The following AFAP1 variants were observed in gnomAD, a reference collection of about 807,000 sequenced individuals.
AFAP1 encodes actin filament associated protein 1.
AFAP1 carries 75 observed loss-of-function variants against 93.9 expected under a neutral mutation model. The observed-to-expected ratio is 0.80, with a 90% CI of 0.66 to 0.97. The LOEUF (loss-of-function observed/expected upper bound fraction) is 0.97, where lower values mean the gene tolerates loss of function less well. Ranked by LOEUF, AFAP1 falls within the 50% of genes least tolerant of loss-of-function variation. AFAP1 has a pLI of 0.00. For missense variants in AFAP1, 1,201 were observed against 1,050.8 expected (o/e 1.14, Z -1.98); for synonymous variants, 517 against 430.7 (o/e 1.20, Z -2.48).
In AFAP1 at chr4:7,939,264, C is replaced by CG; in HGVS notation, c.-3+391dup. 3.3e-6 allele frequency: 1 copy of CG among 306,034 alleles called. No homozygotes were observed. The highest frequency in any genetic ancestry group is 4.2e-5 in the Admixed American group (1 of 24,090). 19.0% of individuals were successfully genotyped at this position (306,034 alleles called of 1,614,324 possible). The stretch of plus-strand genomic sequence containing the variant: ...TAAGTCGGACGAAGCAGTCTCGCTA[C>CG]GGGGGAGGGCGGCGGAGCCTCCCAC... On this transcript the variant is annotated intron_variant, in intron 1 of 17. Transcript: ENST00000420658. This position sits in a 1 kb window ranked among gnomAD's most constrained non-coding sequence, Gnocchi z 5.6.
intron 16 of AFAP1, among the ~76,000 whole-genome samples, chr4:7,770,538 G>A (rs1715286907): frequency 6.6e-6 from 1 of 152,146 alleles, no homozygotes; most frequent in African/African-American, 2.4e-5. Flanking sequence ...AAGAACGCAG[G>A]GCAAGGGGAC....
At chr4:7,810,411 C>A (rs939195136) in intron 8 of AFAP1, among the ~76,000 whole-genome samples, 17 of 152,324 alleles carry the variant, frequency 1.1e-4, no homozygotes, top group African/African-American at 3.4e-4. Flanking sequence ...ACATCACTGA[C>A]GCAAAAGCTG....
rs765123356 is a variant in AFAP1, at chr4:7,855,475, T to C, written c.325A>G (p.Ile109Val). Reference protein sequence around the residue: ...PLSPGKAPEYITSNYDSDAMS... With the variant: ...PLSPGKAPEYVTSNYDSDAMS... ...AGGGCTGGCCACTCACTTGATGTGATGTATTCCGGAGCTTTTCCGGGGCTC... is the reference window on the plus strand; with the variant it reads ...AGGGCTGGCCACTCACTTGATGTGACGTATTCCGGAGCTTTTCCGGGGCTC... The change falls in exon 4 of 18, where the codon ATC becomes GTC. Residue 109 changes from isoleucine to valine, a missense_variant. Transcript: ENST00000420658. The C allele has an allele frequency of 3.1e-6, 5 of 1,607,110 alleles. No individual in the cohort carries two copies. Among genetic ancestry groups the C allele is most frequent in the South Asian group, 1.1e-5 (1 of 90,258 alleles).
intron 15 of AFAP1, chr4:7,773,262 AG>A (rs547426934): frequency 2.0e-6 from 1 of 488,176 alleles, no homozygotes; most frequent in Non-Finnish European, 3.5e-6. Flanking sequence ...GACGAAGGCC[AG>A]GAGCTCCTGG....
intron 10 of AFAP1, 27 bp from the exon 11 acceptor site, chr4:7,793,853 T>G: frequency 6.7e-7 from 1 of 1,488,562 alleles, no homozygotes; most frequent in East Asian, 2.3e-5. Flanking sequence ...AAAGGTAGGC[T>G]GTATTTAACT....
intron 1 of AFAP1, among the ~76,000 whole-genome samples, chr4:7,875,724 G>A (rs893175637): frequency 6.6e-6 from 1 of 151,902 alleles, no homozygotes; most frequent in Admixed American, 6.6e-5. Flanking sequence ...ATGAAATGTG[G>A]TATATACATA....
At chr4:7,808,153 G>C (rs905061677) in intron 9 of AFAP1, among the ~76,000 whole-genome samples, 2 of 152,180 alleles carry the variant, frequency 1.3e-5, no homozygotes, top group African/African-American at 4.8e-5. Context: ...AGCCGCAATA[G>C]TACACAAGGA....
chr4:7,813,260 G>C (rs757301626), intron 8 of AFAP1, among the ~76,000 whole-genome samples: 1 of 152,222 alleles, frequency 6.6e-6, no homozygotes, highest in Non-Finnish European at 1.5e-5. Flanking sequence ...TCAAGAGTGA[G>C]AGGCAAGGAT....
chr4:7,938,147 G>C (rs1721498590), intron 1 of AFAP1, among the ~76,000 whole-genome samples: 1 of 151,784 alleles, frequency 6.6e-6, no homozygotes, highest in Admixed American at 6.5e-5. Context: ...GGCATGAGCT[G>C]ATGACTGGAG....
intron 11 of AFAP1, among the ~76,000 whole-genome samples, 196 bp downstream of exon 11, chr4:7,793,485 C>T (rs189792193): frequency 4.6e-5 from 7 of 152,328 alleles, no homozygotes; most frequent in East Asian, 1.9e-4. Context: ...GTTTGCCACA[C>T]GCTGCTCGAA....
At chr4:7,764,544 A>G (rs1032275792) in intron 17 of AFAP1, among the ~76,000 whole-genome samples, 3 of 152,224 alleles carry the variant, frequency 2.0e-5, no homozygotes, top group South Asian at 2.1e-4. Context: ...AATGCTTAAA[A>G]TGGTCAATTT....
intron 1 of AFAP1, among the ~76,000 whole-genome samples, chr4:7,894,223 CG>C (rs1560223847): frequency 6.6e-6 from 1 of 152,172 alleles, no homozygotes; most frequent in Non-Finnish European, 1.5e-5. Flanking sequence ...AATGTTTTAT[CG>C]GAACACAGAC....
intron 10 of AFAP1, among the ~76,000 whole-genome samples, chr4:7,794,521 T>C (rs1156944862): frequency 6.6e-6 from 1 of 152,106 alleles, no homozygotes; most frequent in Non-Finnish European, 1.5e-5. Flanking sequence ...GCCATCCTTT[T>C]ATTTATTTAT....
intron 6 of AFAP1, among the ~76,000 whole-genome samples, chr4:7,823,622 C>G (rs1721168149): frequency 6.6e-6 from 1 of 152,212 alleles, no homozygotes; most frequent in Non-Finnish European, 1.5e-5. Context: ...GACGACGCTG[C>G]CCAGCATCAA....
intron 3 of AFAP1, 51 bp from the exon 4 acceptor site, chr4:7,855,625 A>G (rs775750879): frequency 8.4e-6 from 12 of 1,431,442 alleles, no homozygotes; most frequent in Non-Finnish European, 1.1e-5. Context: ...CATTAGAAGG[A>G]AATTCTGGAT....
intron 2 of AFAP1, among the ~76,000 whole-genome samples, chr4:7,870,286 A>G (rs925966931): frequency 7.2e-5 from 11 of 152,214 alleles, no homozygotes; most frequent in Admixed American, 7.2e-4. Context: ...GGGATGGCCG[A>G]AGGAGTCTGG....
chr4:7,883,265 C>T (rs1484124862), intron 1 of AFAP1, among the ~76,000 whole-genome samples: 1 of 149,800 alleles, frequency 6.7e-6, no homozygotes, highest in Non-Finnish European at 1.5e-5. Context: ...ATATTATTAT[C>T]TAATGAGAAG....
At chr4:7,846,733 G>C (rs1713748484) in intron 4 of AFAP1, among the ~76,000 whole-genome samples, 1 of 152,132 alleles carries the variant, frequency 6.6e-6, no homozygotes, top group African/African-American at 2.4e-5. Flanking sequence ...GCCATGAAAA[G>C]CCGGGCCTGC....
chr4:7,896,773 C>G (rs556001930), intron 1 of AFAP1, among the ~76,000 whole-genome samples: 3 of 126,432 alleles, frequency 2.4e-5, no homozygotes, highest in Admixed American at 7.7e-5. Flanking sequence ...CATTCCCCCC[C>G]ACACCCAGGG....
Sources: allele counts gnomAD v4.1 joint callset (sites outside exome capture counted in the v4.1 genomes callset), GRCh38; gene constraint gnomAD v4.1.1; non-coding constraint Gnocchi (gnomAD v3.1); transcripts MANE v1.5; gene names NCBI Gene and HGNC (gene_info 2026-07-23, HGNC 2026-07-21).